The following PTPRD variants were observed in gnomAD, a reference collection of about 807,000 sequenced individuals.
PTPRD encodes the protein receptor-type tyrosine-protein phosphatase delta.
PTPRD carries 34 observed loss-of-function variants against 214.5 expected under a neutral mutation model. The observed-to-expected ratio is 0.16, with a 90% CI of 0.12 to 0.21. PTPRD has a LOEUF of 0.21. Among genes scored for constraint, PTPRD ranks in the 10% least tolerant of loss-of-function variants. The probability of loss-of-function intolerance (pLI) is 1.00; values close to 1 mark genes in which losing one functional copy is unlikely to be tolerated. For synonymous variants in PTPRD, 1,128 were observed against 845.7 expected (o/e 1.33, Z -5.79); for missense variants, 2,545 against 2,398.7 (o/e 1.06, Z -1.27).
intron 2 of PTPRD, among the ~76,000 whole-genome samples, chr9:10,512,851 T>C (rs1334460739): frequency 6.6e-6 from 1 of 152,044 alleles, no homozygotes; most frequent in African/African-American, 2.4e-5. Context: ...ATATTTGATC[T>C]TTTTATTGCA....
intron 7 of PTPRD, among the ~76,000 whole-genome samples, chr9:9,704,654 G>C (rs1362515130): frequency 6.6e-6 from 1 of 152,118 alleles, no homozygotes; most frequent in Non-Finnish European, 1.5e-5. Flanking sequence ...TTTTGCCCAG[G>C]ACTCTTAGAA....
intron 5 of PTPRD, among the ~76,000 whole-genome samples, chr9:9,847,548 C>T (rs2059766413): frequency 6.6e-6 from 1 of 152,090 alleles, no homozygotes; most frequent in African/African-American, 2.4e-5. Context: ...CCCACTTTTT[C>T]ACCAATGCCC....
chr9:9,429,778 C>G (rs570583768), intron 8 of PTPRD, among the ~76,000 whole-genome samples: 1 of 151,976 alleles, frequency 6.6e-6, no homozygotes, highest in Non-Finnish European at 1.5e-5. Flanking sequence ...ATCCATCATA[C>G]GAACAGAACC....
intron 3 of PTPRD, among the ~76,000 whole-genome samples, chr9:10,205,093 C>T (rs1031228807): frequency 1.3e-5 from 2 of 151,986 alleles, no homozygotes; most frequent in Non-Finnish European, 2.9e-5. Context: ...AGCCATATGC[C>T]TTATCTATGT....
At chr9:10,232,865 A>G (rs1330782508) in intron 3 of PTPRD, among the ~76,000 whole-genome samples, 1 of 152,020 alleles carries the variant, frequency 6.6e-6, no homozygotes, top group Non-Finnish European at 1.5e-5. Context: ...TCAAATGTCA[A>G]CTATGCCATA....
At chr9:10,036,568 A>AT (rs71321217) in intron 3 of PTPRD, among the ~76,000 whole-genome samples, 33,155 of 140,218 alleles carry the variant, frequency 0.24, 4,442 homozygotes, top group East Asian at 0.43. Flanking sequence ...GCACAAATAC[A>AT]TTTTTTTTTA....
At chr9:9,634,596 T>C (rs1268827746) in intron 7 of PTPRD, among the ~76,000 whole-genome samples, 1 of 152,190 alleles carries the variant, frequency 6.6e-6, no homozygotes, top group Non-Finnish European at 1.5e-5. Context: ...AAAATTCTTG[T>C]TCTCTAATAC....
intron 11 of PTPRD, among the ~76,000 whole-genome samples, chr9:8,800,798 GA>G (rs1436202098): frequency 2.6e-5 from 4 of 152,152 alleles, no homozygotes; most frequent in Admixed American, 6.5e-5. Context: ...GGAGATCCAA[GA>G]ACCCTCTCAT....
At chr9:9,788,841 A>T (rs1367629531) in intron 5 of PTPRD, among the ~76,000 whole-genome samples, 1 of 152,122 alleles carries the variant, frequency 6.6e-6, no homozygotes, top group Non-Finnish European at 1.5e-5. Context: ...GTGTTTAAAC[A>T]ACTATCTAAC....
chr9:9,978,564 A>G (rs979357155), intron 4 of PTPRD, among the ~76,000 whole-genome samples: 1 of 152,150 alleles, frequency 6.6e-6, no homozygotes, highest in Non-Finnish European at 1.5e-5. Flanking sequence ...ATTAAGAGGC[A>G]TGGGACACCA....
At chr9:8,870,393 G>A (rs2098275037) in intron 11 of PTPRD, among the ~76,000 whole-genome samples, 1 of 151,948 alleles carries the variant, frequency 6.6e-6, no homozygotes, top group Non-Finnish European at 1.5e-5. Context: ...TTGATTTTAT[G>A]TCTGGAATGA....
intron 8 of PTPRD, among the ~76,000 whole-genome samples, chr9:9,436,537 T>C (rs1340686216): frequency 1.3e-5 from 2 of 152,138 alleles, no homozygotes; most frequent in Non-Finnish European, 2.9e-5. Context: ...CTAAAATAAT[T>C]TCCTTTAAAT....
intron 3 of PTPRD, among the ~76,000 whole-genome samples, chr9:10,190,718 CAAAAA>C (rs57891244): frequency 2.3e-5 from 1 of 44,214 alleles, no homozygotes; most frequent in Non-Finnish European, 4.3e-5. Flanking sequence ...AACTCTGTCT[CAAAAA>C]AAAAAAAAAA....
intron 10 of PTPRD, among the ~76,000 whole-genome samples, chr9:9,136,578 G>A (rs1335077521): frequency 6.6e-6 from 1 of 152,104 alleles, no homozygotes; most frequent in Non-Finnish European, 1.5e-5. Context: ...GTGAAATCAA[G>A]AGTAACTTAA....
At chr9:8,947,709 A>G (rs928399667) in intron 11 of PTPRD, among the ~76,000 whole-genome samples, 3 of 152,008 alleles carry the variant, frequency 2.0e-5, no homozygotes, top group Non-Finnish European at 4.4e-5. Context: ...TATCTCAGCA[A>G]ATAATTCATT....
chr9:8,470,180 C>T (rs1172396989), intron 31 of PTPRD, among the ~76,000 whole-genome samples: 1 of 152,076 alleles, frequency 6.6e-6, no homozygotes, highest in Non-Finnish European at 1.5e-5. Context: ...AACAAAGGCT[C>T]TTCTGTATTT....
chr9:10,386,555 T>C (rs1586874038), intron 2 of PTPRD, among the ~76,000 whole-genome samples: 1 of 151,854 alleles, frequency 6.6e-6, no homozygotes, highest in African/African-American at 2.4e-5. Flanking sequence ...GGAAAGACAC[T>C]TTTCTGTCTC....
chr9:9,496,723 C>T (rs1191328990), intron 8 of PTPRD, among the ~76,000 whole-genome samples: 2 of 152,134 alleles, frequency 1.3e-5, no homozygotes, highest in East Asian at 1.9e-4. Context: ...ATAGAATTAC[C>T]ATATGATATA....
At chr9:10,087,257 T>C (rs2098358756) in intron 3 of PTPRD, among the ~76,000 whole-genome samples, 1 of 151,698 alleles carries the variant, frequency 6.6e-6, no homozygotes, top group African/African-American at 2.4e-5. Context: ...GCACTCATTT[T>C]ATATTTAAAA....
Sources: allele counts gnomAD v4.1 joint callset (sites outside exome capture counted in the v4.1 genomes callset), GRCh38; gene constraint gnomAD v4.1.1; transcripts MANE v1.5; gene names NCBI Gene and HGNC (gene_info 2026-07-23, HGNC 2026-07-21).